TULP4: variants seen among roughly 807,000 people sequenced by gnomAD.
The protein encoded by TULP4 is tubby-related protein 4.
In TULP4, 16 loss-of-function variants were observed where a neutral mutation model predicts 129.0. The ratio of observed to expected loss-of-function variants is 0.12; its 90% confidence interval spans 0.08 to 0.19. The LOEUF (loss-of-function observed/expected upper bound fraction) is 0.19, where lower values mean the gene tolerates loss of function less well. TULP4 is among the 10% of genes least tolerant of loss of function. The pLI, the probability that TULP4 is intolerant of heterozygous loss-of-function variation, is 1.00. For missense variants in TULP4, 1,842 were observed against 2,059.1 expected (o/e 0.89, Z 2.04); for synonymous variants, 998 against 854.0 (o/e 1.17, Z -2.94).
intron 1 of TULP4, among the ~76,000 whole-genome samples, chr6:158,305,633 A>T (rs546939254): frequency 6.6e-6 from 1 of 151,236 alleles, no homozygotes; most frequent in African/African-American, 2.4e-5. Context: ...TGAGCCTAGG[A>T]GTTCAAGGCT....
At chr6:158,440,941 G>A (rs1458618469) in intron 3 of TULP4, among the ~76,000 whole-genome samples, 1 of 152,062 alleles carries the variant, frequency 6.6e-6, no homozygotes, top group African/African-American at 2.4e-5. Flanking sequence ...TGTTATCTCT[G>A]GACTCAGGCG....
At chr6:158,468,534 G>A (rs643677) in intron 6 of TULP4, among the ~76,000 whole-genome samples, 63,524 of 151,978 alleles carry the variant, frequency 0.42, 14,566 homozygotes, top group African/African-American at 0.62. Flanking sequence ...ACTGGCAATC[G>A]TAACATAATT....
rs374747883 is a variant in TULP4 at position 158,503,963 on chromosome 6, C to T, written c.4300C>T (p.Arg1434Cys). 43 of 1,613,156 alleles carry T rather than the reference C, an allele frequency of 2.7e-5. No homozygotes were observed. Among genetic ancestry groups the T allele is most frequent in the Middle Eastern group, 3.3e-4 (2 of 6,068 alleles). ...CAGCAGAAAGGGCTGGAAAAGCAAG[C>T]GCTCCCCACGGGCCGCCGGCGAGCT... ...QGSRKGWKSK[R>C]SPRAAGELEE... Residue 1434 changes from arginine (R) to cysteine (C), a missense_variant, in exon 13 of 14, where the codon CGC becomes TGC. Transcript: ENST00000367097. This position sits in a 1 kb window ranked among gnomAD's most constrained non-coding sequence, Gnocchi z 4.3.
chr6:158,445,776 T>C (rs1313033521), intron 3 of TULP4, among the ~76,000 whole-genome samples: 1 of 152,192 alleles, frequency 6.6e-6, no homozygotes, highest in East Asian at 1.9e-4. Context: ...ATGCGTTTCA[T>C]CTTAGACATG....
chr6:158,308,874 C>T (rs1384065074), upstream of TULP4, among the ~76,000 whole-genome samples: 2 of 130,466 alleles, frequency 1.5e-5, no homozygotes, highest in East Asian at 2.5e-4. Flanking sequence ...GGCGGCTGGC[C>T]GGGTGGGGGG....
At chr6:158,269,513 T>A (rs7759547) in intron 1 of TULP4, among the ~76,000 whole-genome samples, 50,057 of 152,038 alleles carry the variant, frequency 0.33, 9,227 homozygotes, top group Admixed American at 0.45. Flanking sequence ...TCAGCAAGAA[T>A]TCGTTGCCAT....
chr6:158,475,241 GC>G (rs1277157704), intron 6 of TULP4, among the ~76,000 whole-genome samples: 3 of 152,210 alleles, frequency 2.0e-5, no homozygotes, highest in African/African-American at 7.2e-5. Flanking sequence ...CAGAGGAGAA[GC>G]CTGCCCCTCC....
chr6:158,490,262 G>A (rs1780170300), intron 9 of TULP4, among the ~76,000 whole-genome samples: 1 of 152,172 alleles, frequency 6.6e-6, no homozygotes, highest in African/African-American at 2.4e-5. Context: ...CAGGCGTGGT[G>A]GCGGGTGCCT....
chr6:158,379,712 T>C (rs1777280688), intron 1 of TULP4, among the ~76,000 whole-genome samples: 1 of 152,120 alleles, frequency 6.6e-6, no homozygotes, highest in South Asian at 2.1e-4. Context: ...AGGTACTCCA[T>C]GCTTCTCGAT....
intron 1 of TULP4, among the ~76,000 whole-genome samples, chr6:158,315,007 T>G (rs1779456505): frequency 6.6e-6 from 1 of 152,244 alleles, no homozygotes; most frequent in South Asian, 2.1e-4. Context: ...GTTTTGCTTG[T>G]ATGGCACCTT....
intron 1 of TULP4, among the ~76,000 whole-genome samples, chr6:158,330,987 T>C (rs1779865964): frequency 6.6e-6 from 1 of 152,162 alleles, no homozygotes; most frequent in South Asian, 2.1e-4. Flanking sequence ...CTTTTCAGGG[T>C]GTCACATGTG....
At chr6:158,281,499 G>GT (rs1339356025), upstream of TULP4, among the ~76,000 whole-genome samples, 1 of 152,082 alleles carries the variant, frequency 6.6e-6, no homozygotes, top group African/African-American at 2.4e-5. Flanking sequence ...TTCCATTCCG[G>GT]TTTTTATCCT....
intron 1 of TULP4, among the ~76,000 whole-genome samples, chr6:158,316,768 G>T (rs1005364336): frequency 6.6e-6 from 1 of 152,158 alleles, no homozygotes; most frequent in African/African-American, 2.4e-5. Context: ...GTACCAGCCA[G>T]GACTGCTAGC....
At chr6:158,455,742 A>G (rs1779279302) in intron 5 of TULP4, among the ~76,000 whole-genome samples, 2 of 152,060 alleles carry the variant, frequency 1.3e-5, no homozygotes, top group South Asian at 4.1e-4. Flanking sequence ...GTCTCAAAAA[A>G]AAAAAAAAAA....
At chr6:158,422,776 C>T in intron 2 of TULP4, among the ~76,000 whole-genome samples, 1 of 152,214 alleles carries the variant, frequency 6.6e-6, no homozygotes, top group Non-Finnish European at 1.5e-5. Context: ...GCATGTGATT[C>T]ACCATGTAGC....
At chr6:158,275,701 A>G (rs1305906776) in intron 1 of TULP4, among the ~76,000 whole-genome samples, 1 of 152,230 alleles carries the variant, frequency 6.6e-6, no homozygotes, top group Non-Finnish European at 1.5e-5. Context: ...AATAGGTCTT[A>G]TGAGAATTTC....
At position 158,503,387 on chromosome 6, in the gene TULP4, C is replaced by G. The variant is rs534360336; in HGVS notation, c.3724C>G (p.Pro1242Ala). The G allele has an allele frequency of 1.9e-6, 3 of 1,613,796 alleles. No individual in the cohort carries two copies. Among genetic ancestry groups the G allele is most frequent in the Non-Finnish European group, 2.5e-6 (3 of 1,180,034 alleles). ...PPSLSYCTLP[P>A]MYPGSSTCSS... ...CAGCCTCTCCTATTGCACCCTGCCC[C>G]CCATGTACCCAGGAAGCAGCACGTG... Residue 1242 changes from proline (P) to alanine (A), a missense_variant, in exon 13 of 14, where the codon CCC becomes GCC. Physicochemically the swap from Pro to Ala is conservative, Grantham distance 27 (BLOSUM62 -1). Around this residue, in one of 5 missense-constraint regions of TULP4, gnomAD observed 1,089 missense variants for 987.1 expected, o/e 1.10. Coordinates refer to ENST00000367097, the MANE Select transcript of TULP4 (RefSeq NM_020245.5). The surrounding 1 kb of genome is among the most constrained non-coding windows in gnomAD (Gnocchi z 4.3).
chr6:158,454,020 C>CA (rs1562572942), intron 5 of TULP4, among the ~76,000 whole-genome samples: 1 of 44,574 alleles, frequency 2.2e-5, no homozygotes, highest in Non-Finnish European at 5.0e-5. Flanking sequence ...GCCTCTGCAC[C>CA]GCCCCCCCCC....
chr6:158,309,033 G>T (rs1432415600), upstream of TULP4, among the ~76,000 whole-genome samples: 1 of 135,840 alleles, frequency 7.4e-6, no homozygotes, highest in Non-Finnish European at 1.6e-5. Context: ...GGCGGGGGCT[G>T]ACCCCCACCT....
Sources: allele counts gnomAD v4.1 joint callset (sites outside exome capture counted in the v4.1 genomes callset), GRCh38; gene constraint gnomAD v4.1.1; regional missense constraint gnomAD v4.1.1; non-coding constraint Gnocchi (gnomAD v3.1); transcripts MANE v1.5; gene names NCBI Gene and HGNC (gene_info 2026-07-23, HGNC 2026-07-21).